Variants in GLIS1 observed in about 807,000 individuals in gnomAD.
GLIS1 encodes zinc finger protein GLIS1.
In GLIS1, 24 loss-of-function variants were observed where a neutral mutation model predicts 63.8. The observed-to-expected ratio is 0.38, with a 90% CI of 0.27 to 0.53. GLIS1 has a LOEUF of 0.53. Among genes scored for constraint, GLIS1 ranks in the 20% least tolerant of loss-of-function variants. The pLI, the probability that GLIS1 is intolerant of heterozygous loss-of-function variation, is 0.85. For missense variants in GLIS1, 1,036 were observed against 1,074.1 expected (o/e 0.96, Z 0.50); for synonymous variants, 450 against 482.5 (o/e 0.93, Z 0.88).
intron 2 of GLIS1, among the ~76,000 whole-genome samples, chr1:53,614,893 CAT>C (rs1645463932): frequency 1.4e-5 from 2 of 145,716 alleles, no homozygotes; most frequent in Non-Finnish European, 1.5e-5. Flanking sequence ...CTTATACTCA[CAT>C]ATTCGTGCAC....
At chr1:53,688,326 T>C (rs902231079) in intron 2 of GLIS1, among the ~76,000 whole-genome samples, 2 of 152,178 alleles carry the variant, frequency 1.3e-5, no homozygotes, top group Non-Finnish European at 2.9e-5. Context: ...CTCTGAGCAC[T>C]TTGCAGGGTA....
At chr1:53,725,856 A>G (rs1646800282) in intron 2 of GLIS1, among the ~76,000 whole-genome samples, 1 of 152,162 alleles carries the variant, frequency 6.6e-6, no homozygotes, top group Non-Finnish European at 1.5e-5. Flanking sequence ...ATTGAGAGCC[A>G]CTCTGAGTTG....
At chr1:53,616,114 A>C (rs1569924957) in intron 2 of GLIS1, among the ~76,000 whole-genome samples, 1 of 152,160 alleles carries the variant, frequency 6.6e-6, no homozygotes, top group East Asian at 1.9e-4. Flanking sequence ...ATGATCCCAC[A>C]AATCTGTCAT....
chr1:53,666,190 C>G (rs1646089273), intron 2 of GLIS1, among the ~76,000 whole-genome samples: 1 of 152,210 alleles, frequency 6.6e-6, no homozygotes, highest in Non-Finnish European at 1.5e-5. Context: ...GCTGAACATA[C>G]AGTCACCTGT....
chr1:53,675,935 G>A (rs932139710), intron 2 of GLIS1, among the ~76,000 whole-genome samples: 2 of 151,064 alleles, frequency 1.3e-5, no homozygotes, highest in African/African-American at 2.4e-5. Flanking sequence ...AGAGAAGCCT[G>A]GAGCCAGCAG....
chr1:53,627,710 T>G (rs1405808238), intron 2 of GLIS1, among the ~76,000 whole-genome samples: 1 of 152,192 alleles, frequency 6.6e-6, no homozygotes, highest in Non-Finnish European at 1.5e-5. Flanking sequence ...CCAATGTGCC[T>G]GGCTGGGGAG....
chr1:53,663,632 G>A (rs1407751648), intron 2 of GLIS1, among the ~76,000 whole-genome samples: 1 of 152,198 alleles, frequency 6.6e-6, no homozygotes, highest in African/African-American at 2.4e-5. Flanking sequence ...CCTGTGGAGT[G>A]AGCCATCCCT....
chr1:53,654,978 T>A (rs1645948929), intron 2 of GLIS1, among the ~76,000 whole-genome samples: 1 of 152,182 alleles, frequency 6.6e-6, no homozygotes, highest in Admixed American at 6.5e-5. Flanking sequence ...CTTGCTTACA[T>A]GGGGATGGGG....
At chr1:53,733,991 G>T in intron 2 of GLIS1, 4 of 984,814 alleles carry the variant, frequency 4.1e-6, no homozygotes, top group Non-Finnish European at 4.8e-6. Flanking sequence ...CAACCAGGTG[G>T]TACCACCAAA....
chr1:53,670,587 T>A (rs1027555755), intron 2 of GLIS1, among the ~76,000 whole-genome samples: 5 of 152,202 alleles, frequency 3.3e-5, no homozygotes, highest in Non-Finnish European at 5.9e-5. Flanking sequence ...ACCAGCCACA[T>A]GAAATTCCAA....
At chr1:53,613,850 A>G (rs1436261099) in intron 2 of GLIS1, among the ~76,000 whole-genome samples, 1 of 152,228 alleles carries the variant, frequency 6.6e-6, no homozygotes, top group Non-Finnish European at 1.5e-5. Flanking sequence ...CCATTTGTAA[A>G]GAGGCTGGAC....
At chr1:53,713,103 CAG>C (rs1646662292) in intron 2 of GLIS1, among the ~76,000 whole-genome samples, 1 of 152,228 alleles carries the variant, frequency 6.6e-6, no homozygotes, top group African/African-American at 2.4e-5. Flanking sequence ...TAAACGGAGA[CAG>C]AGACATGCCA....
chr1:53,551,841 T>C (rs1644763034), intron 4 of GLIS1, among the ~76,000 whole-genome samples: 1 of 152,098 alleles, frequency 6.6e-6, no homozygotes. Context: ...TCTGGGCCTC[T>C]GCACAAACCC....
At chr1:53,587,906 G>A (rs1353013900) in intron 4 of GLIS1, among the ~76,000 whole-genome samples, 1 of 152,128 alleles carries the variant, frequency 6.6e-6, no homozygotes, top group African/African-American at 2.4e-5. Flanking sequence ...GAGGTGGCTT[G>A]GGGTCATGGC....
At position 53,529,377 on chromosome 1, in the gene GLIS1, T is replaced by C. The variant is rs535923672; in HGVS notation, c.1482+414A>G. On this transcript the variant is annotated intron_variant, in intron 5 of 10. Coordinates refer to ENST00000628545, the MANE Select transcript of GLIS1 (RefSeq NM_001367484.1). ...AGGGGGCAGGAAGAGCAGGGAGCAA[T>C]CTGCTCTGGCGTGGCTGACAGGTTC... is the stretch of plus-strand genomic sequence containing the variant. Among the ~76,000 whole-genome samples, 5 of 152,254 alleles carry C rather than the reference T, an allele frequency of 3.3e-5. No homozygotes were observed. The South Asian group carries it at 1.0e-3, about 32-fold the overall frequency.
At chr1:53,685,929 C>T (rs992178400) in intron 2 of GLIS1, among the ~76,000 whole-genome samples, 1 of 152,158 alleles carries the variant, frequency 6.6e-6, no homozygotes, top group African/African-American at 2.4e-5. Flanking sequence ...TGTGGCCAGC[C>T]CCACCTCAGA....
chr1:53,511,164 A>G lies in GLIS1; in HGVS notation c.1884-1137T>C, dbSNP rs1644294605. On this transcript the variant is annotated intron_variant, in intron 8 of 10. Coordinates refer to ENST00000628545, the MANE Select transcript of GLIS1 (RefSeq NM_001367484.1). The surrounding 1 kb of genome is among the most constrained non-coding windows in gnomAD (Gnocchi z 4.2). The stretch of plus-strand genomic sequence containing the variant: ...CCTGTAAAGCATTTATGTACATGGC[A>G]GAAAGAGGGAGATAGTGAGAGCTCG... Among the ~76,000 whole-genome samples, 1 of 152,256 alleles carries G rather than the reference A, an allele frequency of 6.6e-6. No individual in the cohort carries two copies. The highest frequency in any genetic ancestry group is 1.5e-5 in the Non-Finnish European group (1 of 68,044).
At chr1:53,642,123 C>T (rs1010571618) in intron 2 of GLIS1, among the ~76,000 whole-genome samples, 3 of 152,252 alleles carry the variant, frequency 2.0e-5, no homozygotes, top group Non-Finnish European at 2.9e-5. Flanking sequence ...CAGGCCACAC[C>T]TACCCTGATG....
chr1:53,575,226 G>A (rs1645021611), intron 4 of GLIS1, among the ~76,000 whole-genome samples: 1 of 152,128 alleles, frequency 6.6e-6, no homozygotes, highest in Non-Finnish European at 1.5e-5. Context: ...GCCCTCACGG[G>A]GAACAGGAAG....
Sources: allele counts gnomAD v4.1 joint callset (sites outside exome capture counted in the v4.1 genomes callset), GRCh38; gene constraint gnomAD v4.1.1; non-coding constraint Gnocchi (gnomAD v3.1); transcripts MANE v1.5; gene names NCBI Gene and HGNC (gene_info 2026-07-23, HGNC 2026-07-21).